CHRNA7: variants seen among roughly 807,000 people sequenced by gnomAD.
The protein encoded by CHRNA7 is cholinergic receptor nicotinic alpha 7 subunit.
In CHRNA7, 17 loss-of-function variants were observed where a neutral mutation model predicts 48.0. The observed-to-expected ratio is 0.35, with a 90% CI of 0.24 to 0.53. The LOEUF is 0.53. Among genes scored for constraint, CHRNA7 ranks in the 20% least tolerant of loss-of-function variants. CHRNA7 has a pLI of 0.92. For synonymous variants in CHRNA7, 75 were observed against 242.3 expected (o/e 0.31, Z 6.41); for missense variants, 155 against 577.7 (o/e 0.27, Z 7.50).
chr15:32,093,617 C>G (rs187554802), intron 2 of CHRNA7, among the ~76,000 whole-genome samples: 2 of 152,238 alleles, frequency 1.3e-5, no homozygotes, highest in African/African-American at 4.8e-5. Flanking sequence ...AGTGGTGTTG[C>G]CCGGATCCAG....
intron 2 of CHRNA7, among the ~76,000 whole-genome samples, chr15:32,063,522 G>C (rs1262679666): frequency 6.6e-6 from 1 of 152,196 alleles, no homozygotes; most frequent in Non-Finnish European, 1.5e-5. Context: ...TTCATACATT[G>C]ATGTGTTCAC....
At chr15:32,066,744 A>G (rs2049973489) in intron 2 of CHRNA7, among the ~76,000 whole-genome samples, 1 of 152,202 alleles carries the variant, frequency 6.6e-6, no homozygotes, top group Non-Finnish European at 1.5e-5. Context: ...AACACTTTAA[A>G]CCAGTTATTT....
At chr15:32,101,190 A>G in intron 2 of CHRNA7, 113 bp from the exon 3 acceptor site, 2 of 1,131,940 alleles carry the variant, frequency 1.8e-6, no homozygotes, top group South Asian at 2.9e-5. Context: ...GTGCATTCTA[A>G]TTTCCACACA....
intron 3 of CHRNA7, among the ~76,000 whole-genome samples, chr15:32,103,563 G>T (rs942975737): frequency 3.9e-5 from 6 of 152,292 alleles, no homozygotes; most frequent in African/African-American, 1.4e-4. Flanking sequence ...AGGATTTAAA[G>T]CAGCATACTT....
chr15:32,089,837 A>G (rs551420355), intron 2 of CHRNA7, among the ~76,000 whole-genome samples: 2 of 152,212 alleles, frequency 1.3e-5, no homozygotes, highest in Non-Finnish European at 2.9e-5. Context: ...TTCATGTGAC[A>G]GGTAGTAGTT....
chr15:32,071,613 C>A (rs898019938), intron 2 of CHRNA7, among the ~76,000 whole-genome samples: 2 of 152,124 alleles, frequency 1.3e-5, no homozygotes, highest in African/African-American at 4.8e-5. Context: ...GAATGGCTTG[C>A]TACCCTCCCC....
At chr15:32,059,582 C>T (rs2049843405) in intron 2 of CHRNA7, among the ~76,000 whole-genome samples, 1 of 152,118 alleles carries the variant, frequency 6.6e-6, no homozygotes. Flanking sequence ...CTGGAATCTG[C>T]CTTTGCTAAG....
chr15:32,086,230 C>A (rs1010738604), intron 2 of CHRNA7, among the ~76,000 whole-genome samples: 1 of 151,496 alleles, frequency 6.6e-6, no homozygotes, highest in Non-Finnish European at 1.5e-5. Flanking sequence ...TTAGCTGGGC[C>A]TGGTGGCAGG....
At chr15:32,072,105 A>G (rs1217325452) in intron 2 of CHRNA7, among the ~76,000 whole-genome samples, 1 of 152,166 alleles carries the variant, frequency 6.6e-6, no homozygotes, top group Non-Finnish European at 1.5e-5. Context: ...AGGCTGATGA[A>G]GTCTCAGATA....
At chr15:32,112,097 G>A (rs2050771649) in intron 4 of CHRNA7, 198 bp downstream of exon 4, 5 of 628,968 alleles carry the variant, frequency 7.9e-6, no homozygotes, top group Non-Finnish European at 1.2e-5. Context: ...GGTTTGGCAT[G>A]CACACGTGCA....
At chr15:32,112,812 G>A (rs2050785273) in intron 4 of CHRNA7, among the ~76,000 whole-genome samples, 1 of 152,104 alleles carries the variant, frequency 6.6e-6, no homozygotes, top group South Asian at 2.1e-4. Flanking sequence ...GCTGGGCGAT[G>A]CTATTTCTTG....
At chr15:32,156,854 T>G (rs2051748728) in intron 5 of CHRNA7, 1 of 65,670 alleles carries the variant, frequency 1.5e-5, no homozygotes, top group African/African-American at 5.6e-5. Flanking sequence ...CACTTTAGCC[T>G]CAAACTCCTG....
At chr15:32,066,135 A>G (rs960051654) in intron 2 of CHRNA7, among the ~76,000 whole-genome samples, 20 of 152,288 alleles carry the variant, frequency 1.3e-4, no homozygotes, top group Non-Finnish European at 2.5e-4. Flanking sequence ...CTGGCAACTC[A>G]TATAACAAAG....
In CHRNA7 at chr15:32,030,987, CA is replaced by C; in HGVS notation, c.147del (p.Gln49HisfsTer9). 6.2e-7 allele frequency: 1 copy of C among 1,614,226 alleles called. No homozygotes were observed. The highest frequency in any genetic ancestry group is 1.3e-5 in the African/African-American group (1 of 75,076). ...PLERPVANDS[Q>X]PLTVYFSLSL... is the part of the protein sequence containing the mutation. ...GGAGAGGCCCGTGGCCAATGACTCG[CA>C]ACCACTCACCGTCTACTTCTCCCTG... On this transcript the variant is annotated frameshift_variant, in exon 2 of 10. Transcript: ENST00000306901. LOFTEE classifies it high-confidence loss of function.
At position 32,163,306 on chromosome 15, in the gene CHRNA7, G is replaced by A. The variant is rs1327216245; in HGVS notation, c.961G>A (p.Asp321Asn). 1 of 782,528 alleles carries A rather than the reference G, an allele frequency of 1.3e-6. No homozygotes were observed. Among genetic ancestry groups the A allele is most frequent in the South Asian group, 2.6e-5 (1 of 38,876 alleles). The allele number at this position is 782,528 out of a possible 1,614,324, so 48.5% of individuals were successfully genotyped here. Residue 321 changes from aspartate to asparagine, a missense_variant, in exon 9 of 10, where the codon GAC becomes AAC. Physicochemically the swap from Asp to Asn is conservative, Grantham distance 23. Transcript: ENST00000306901. ...TVIVLQYHHH[D>N]PDGGKMPKWT... is the part of the protein sequence containing the mutation. ...GATCGTGCTGCAGTACCACCACCAC[G>A]ACCCCGACGGGGGCAAGATGCCCAA...
intron 2 of CHRNA7, among the ~76,000 whole-genome samples, chr15:32,096,757 C>T (rs187059791): frequency 8.2e-4 from 125 of 152,196 alleles, no homozygotes; most frequent in Admixed American, 2.6e-3. Context: ...CGCATTACCA[C>T]GACAGTTGTA....
intron 2 of CHRNA7, among the ~76,000 whole-genome samples, chr15:32,033,251 A>G (rs185432730): frequency 2.6e-5 from 4 of 152,330 alleles, no homozygotes; most frequent in Non-Finnish European, 5.9e-5. Flanking sequence ...AAATGAGAAT[A>G]ATAATACCTG....
intron 3 of CHRNA7, among the ~76,000 whole-genome samples, chr15:32,104,899 G>C (rs957263404): frequency 6.6e-6 from 1 of 152,228 alleles, no homozygotes; most frequent in African/African-American, 2.4e-5. Context: ...AGAAATGCAT[G>C]TTATGGAGAG....
At chr15:32,113,513 T>C (rs1402682161) in intron 4 of CHRNA7, among the ~76,000 whole-genome samples, 2 of 152,180 alleles carry the variant, frequency 1.3e-5, no homozygotes, top group Non-Finnish European at 2.9e-5. Flanking sequence ...TCCGTGTTAA[T>C]TTTAGCTGTA....
Sources: gnomAD v4.1 joint callset for allele counts (sites outside exome capture counted in the v4.1 genomes callset) on GRCh38, gnomAD v4.1.1 for gene constraint, MANE v1.5 for transcripts, NCBI Gene and HGNC (gene_info 2026-07-23, HGNC 2026-07-21) for gene names.